LDB2: variants seen among roughly 807,000 people sequenced by gnomAD.
LDB2 encodes LIM domain binding 2, also known as LIM domain-binding protein 2.
In LDB2, 12 loss-of-function variants were observed where a neutral mutation model predicts 44.3. The ratio of observed to expected loss-of-function variants is 0.27; its 90% CI spans 0.17 to 0.44. LDB2 has a LOEUF of 0.44. LDB2 is among the 20% of genes least tolerant of loss of function. The pLI, the probability that LDB2 is intolerant of heterozygous loss-of-function variation, is 1.00. For missense variants in LDB2, 344 were observed against 473.5 expected (o/e 0.73, Z 2.54); for synonymous variants, 164 against 174.8 (o/e 0.94, Z 0.49).
chr4:16,894,965 A>G (rs918307842), intron 1 of LDB2, among the ~76,000 whole-genome samples: 5 of 152,116 alleles, frequency 3.3e-5, no homozygotes, highest in South Asian at 4.1e-4. Flanking sequence ...GGAAAAATAC[A>G]TAACGGAACT....
intron 2 of LDB2, among the ~76,000 whole-genome samples, chr4:16,689,462 T>C (rs1346860220): frequency 6.6e-6 from 1 of 152,256 alleles, no homozygotes; most frequent in Non-Finnish European, 1.5e-5. Context: ...AATACAGTTA[T>C]GCATATTTAA....
At chr4:16,796,791 G>A (rs1186508495) in intron 1 of LDB2, among the ~76,000 whole-genome samples, 4 of 152,154 alleles carry the variant, frequency 2.6e-5, no homozygotes, top group African/African-American at 9.7e-5. Context: ...GAATGGCACT[G>A]TACTTTGGTA....
intron 1 of LDB2, among the ~76,000 whole-genome samples, chr4:16,837,840 T>C (rs1166840858): frequency 6.6e-6 from 1 of 152,264 alleles, no homozygotes; most frequent in African/African-American, 2.4e-5. Context: ...TTTGGTATGA[T>C]ATGTTAGGCA....
chr4:16,663,975 T>C (rs911188032), intron 2 of LDB2, among the ~76,000 whole-genome samples: 32 of 152,026 alleles, frequency 2.1e-4, no homozygotes, highest in Non-Finnish European at 4.1e-4. Flanking sequence ...CCTCCCAGCA[T>C]ACTTGGCAGA....
At position 16,572,902 on chromosome 4, in the gene LDB2, A is replaced by G. The variant is rs769286473; in HGVS notation, c.615+13020T>C. 6.8e-4 allele frequency among the ~76,000 whole-genome samples: 103 copies of G among 152,224 alleles called. 2 individuals are homozygous for G. The Middle Eastern group carries it at 0.014, about 20-fold the overall frequency. ...AGAAAGAGGAGGCGGAGGGGAAAAG[A>G]AGGAGGAGGAGGAGAAGGTGAAGGA... On this transcript the variant is annotated intron_variant, in intron 5 of 7. Coordinates refer to ENST00000304523, the MANE Select transcript of LDB2 (RefSeq NM_001290.5).
At chr4:16,587,637 G>C (rs2152427995) in intron 4 of LDB2, among the ~76,000 whole-genome samples, 1 of 152,288 alleles carries the variant, frequency 6.6e-6, no homozygotes, top group South Asian at 2.1e-4. Context: ...GGGAAGGGCA[G>C]AGCTTGTGTT....
intron 1 of LDB2, among the ~76,000 whole-genome samples, chr4:16,771,059 G>C (rs1402373901): frequency 6.6e-6 from 1 of 152,096 alleles, no homozygotes; most frequent in African/African-American, 2.4e-5. Context: ...GAATGTTTCT[G>C]GAAAAGCTTG....
intron 2 of LDB2, among the ~76,000 whole-genome samples, chr4:16,730,325 T>TA: frequency 6.6e-6 from 1 of 152,272 alleles, no homozygotes; most frequent in South Asian, 2.1e-4. Flanking sequence ...TTATCATAGT[T>TA]ACGACTTTGT....
chr4:16,609,078 G>C (rs1488200993), intron 2 of LDB2, among the ~76,000 whole-genome samples: 1 of 152,180 alleles, frequency 6.6e-6, no homozygotes, highest in Admixed American at 6.5e-5. Context: ...TTGACTAGAA[G>C]ACTGGTGTGA....
chr4:16,770,127 G>A (rs1177882105), intron 1 of LDB2, among the ~76,000 whole-genome samples: 3 of 152,120 alleles, frequency 2.0e-5, no homozygotes, highest in East Asian at 3.9e-4. Flanking sequence ...AGCTTTTTTT[G>A]CTACCAGACT....
At chr4:16,674,846 G>A (rs542407992) in intron 2 of LDB2, among the ~76,000 whole-genome samples, 58 of 151,698 alleles carry the variant, frequency 3.8e-4, no homozygotes, top group African/African-American at 1.3e-3. Context: ...TCTCTTCTTC[G>A]GTGAATTTCC....
chr4:16,812,277 G>T (rs1405775293), intron 1 of LDB2, among the ~76,000 whole-genome samples: 1 of 152,166 alleles, frequency 6.6e-6, no homozygotes, highest in African/African-American at 2.4e-5. Flanking sequence ...TTGGGTGAGT[G>T]ACAAGATATC....
chr4:16,828,674 A>G (rs886897303), intron 1 of LDB2, among the ~76,000 whole-genome samples: 9 of 152,046 alleles, frequency 5.9e-5, no homozygotes, highest in African/African-American at 2.2e-4. Flanking sequence ...GCAAGCCTAG[A>G]AACTTCCATT....
chr4:16,654,463 T>A (rs1739201020), intron 2 of LDB2, among the ~76,000 whole-genome samples: 1 of 152,114 alleles, frequency 6.6e-6, no homozygotes, highest in Non-Finnish European at 1.5e-5. Context: ...AGTTGAGTAA[T>A]CCCATAGGAG....
At chr4:16,696,361 A>C (rs548747887) in intron 2 of LDB2, among the ~76,000 whole-genome samples, 4 of 152,230 alleles carry the variant, frequency 2.6e-5, no homozygotes, top group Non-Finnish European at 4.4e-5. Context: ...ACAATTTTTC[A>C]GTAATGCACT....
chr4:16,532,909 T>C (rs1017173482), intron 5 of LDB2, among the ~76,000 whole-genome samples: 4 of 152,156 alleles, frequency 2.6e-5, no homozygotes, highest in African/African-American at 9.7e-5. Flanking sequence ...AGTCTGACAT[T>C]CCTAGCATAG....
At chr4:16,590,543 T>A (rs921914943) in intron 3 of LDB2, among the ~76,000 whole-genome samples, 2 of 152,206 alleles carry the variant, frequency 1.3e-5, no homozygotes, top group Non-Finnish European at 2.9e-5. Flanking sequence ...TTCCATGCGC[T>A]CTAACTGAAG....
At chr4:16,691,732 T>C (rs1454890227) in intron 2 of LDB2, among the ~76,000 whole-genome samples, 1 of 152,212 alleles carries the variant, frequency 6.6e-6, no homozygotes, top group African/African-American at 2.4e-5. Context: ...ATCTTCTAAA[T>C]TCTGATTCTA....
intron 5 of LDB2, chr4:16,581,397 A>T: frequency 1.0e-6 from 1 of 984,106 alleles, no homozygotes. Flanking sequence ...TCACAGTGAG[A>T]GGATGCTTGT....
Sources: allele counts gnomAD v4.1 joint callset (sites outside exome capture counted in the v4.1 genomes callset), GRCh38; gene constraint gnomAD v4.1.1; transcripts MANE v1.5; gene names NCBI Gene and HGNC (gene_info 2026-07-23, HGNC 2026-07-21).